Variants in ZNF710 observed in about 807,000 individuals in gnomAD.
ZNF710 encodes zinc finger protein 710.
ZNF710 carries 13 observed loss-of-function variants against 50.6 expected under a neutral mutation model. The observed-to-expected ratio is 0.26, with a 90% CI of 0.17 to 0.41. The LOEUF is 0.41. ZNF710 is among the 10% of genes least tolerant of loss of function. ZNF710 has a pLI of 1.00. For missense variants in ZNF710, 721 were observed against 936.6 expected, an observed-to-expected ratio of 0.77 and a Z score of 3.01; for synonymous variants, 383 against 397.0, an observed-to-expected ratio of 0.96 and a Z score of 0.42.
chr15:90,018,397 A>G (rs1329926444), intron 1 of ZNF710, among the ~76,000 whole-genome samples: 1 of 151,860 alleles, frequency 6.6e-6, no homozygotes, highest in Non-Finnish European at 1.5e-5. Context: ...TGAACTCCTG[A>G]CTTCAGGTGA....
intron 2 of ZNF710, among the ~76,000 whole-genome samples, chr15:90,070,018 C>T (rs776087658): frequency 6.6e-5 from 10 of 152,200 alleles, no homozygotes; most frequent in Non-Finnish European, 1.0e-4. Flanking sequence ...AGCTTCCTCT[C>T]CCCATAACGG....
chr15:90,073,756 AGGTG>A (rs1273769898), intron 3 of ZNF710, among the ~76,000 whole-genome samples: 1 of 152,070 alleles, frequency 6.6e-6, no homozygotes, highest in Non-Finnish European at 1.5e-5. Flanking sequence ...TGGGAGGCTG[AGGTG>A]GGTGGATCAT....
At chr15:90,011,825 T>C (rs1246013288) in intron 1 of ZNF710, among the ~76,000 whole-genome samples, 1 of 152,226 alleles carries the variant, frequency 6.6e-6, no homozygotes, top group Non-Finnish European at 1.5e-5. Context: ...AAAGATAGTT[T>C]TGCTGGGTAT....
chr15:90,028,370 T>C (rs536606463), intron 1 of ZNF710, among the ~76,000 whole-genome samples: 66 of 152,350 alleles, frequency 4.3e-4, no homozygotes, highest in Middle Eastern at 6.8e-3. Context: ...GCTGCTGCAC[T>C]GTGCTCCAAG....
In ZNF710 at chr15:90,071,191, G is replaced by A. The variant is rs1439446217; in HGVS notation, c.1459-1880G>A. 3.3e-5 allele frequency among the ~76,000 whole-genome samples: 5 copies of A among 151,776 alleles called. No individual in the cohort carries two copies. In the East Asian group the frequency reaches 5.8e-4, roughly 18 times the overall value. ...CAGGAGAATTGCTTGAACCCGGGAG[G>A]CAGAGGTTGCAGTGAGCCAAGACCG... On this transcript the variant is annotated intron_variant, in intron 2 of 4. Transcript: ENST00000268154.
Position 90,079,917 on chromosome 15 carries a change from GAAAC to G in ZNF710, c.*91_*94del. The G allele has an allele frequency of 3.1e-6, 4 of 1,296,798 alleles. No individual in the cohort carries two copies. Among genetic ancestry groups the G allele is most frequent in the Non-Finnish European group, 4.1e-6 (4 of 969,608 alleles). The allele number at this position is 1,296,798 out of a possible 1,614,324, so 80.3% of individuals were successfully genotyped here. Reference sequence around the variant, plus strand: ...TGCAGGCTGCACCTCCTGCAGCCGAGAAACAAGCTACTGCCCCACTGTTCTGAGC... The same window carrying G: ...TGCAGGCTGCACCTCCTGCAGCCGAGAAGCTACTGCCCCACTGTTCTGAGC... On this transcript the variant is annotated 3_prime_UTR_variant, in exon 5 of 5. Coordinates refer to ENST00000268154, the MANE Select transcript of ZNF710 (RefSeq NM_198526.4).
rs1899946742 is a variant in ZNF710 at position 90,059,777 on chromosome 15, TC to T, written c.-28-7330del. Among the ~76,000 whole-genome samples the T allele has an allele frequency of 6.6e-6, 1 of 152,172 alleles. No homozygotes were observed. Among genetic ancestry groups the T allele is most frequent in the Non-Finnish European group, 1.5e-5 (1 of 68,024 alleles). On this transcript the variant is annotated intron_variant, in intron 1 of 4. Coordinates refer to ENST00000268154, the MANE Select transcript of ZNF710 (RefSeq NM_198526.4). The surrounding 1 kb of genome is among the most constrained non-coding windows in gnomAD (Gnocchi z 4.1). ...CCCTTCTGCGCATGTGAGTAGAGTT[TC>T]CCTTGAAGCCTCCTGCGAGGAGGAC...
At chr15:90,038,191 C>G (rs1426508614) in intron 1 of ZNF710, among the ~76,000 whole-genome samples, 2 of 151,980 alleles carry the variant, frequency 1.3e-5, no homozygotes, top group African/African-American at 4.8e-5. Context: ...TAGCAGGCCC[C>G]TCTCTCTATC....
chr15:90,065,410 G>A (rs1382445265), intron 1 of ZNF710, among the ~76,000 whole-genome samples: 1 of 152,208 alleles, frequency 6.6e-6, no homozygotes, highest in African/African-American at 2.4e-5. Context: ...TGTTGAACCA[G>A]GGCAAGGGGT....
At chr15:90,026,269 C>CA (rs777122257) in intron 1 of ZNF710, among the ~76,000 whole-genome samples, 45 of 119,178 alleles carry the variant, frequency 3.8e-4, no homozygotes, top group Admixed American at 1.2e-3. Flanking sequence ...ACAACAACAA[C>CA]AAAAAAAAAA....
intron 1 of ZNF710, among the ~76,000 whole-genome samples, chr15:90,018,971 TTTTG>T (rs1285823754): frequency 1.3e-5 from 2 of 150,480 alleles, no homozygotes; most frequent in Non-Finnish European, 3.0e-5. Context: ...TATCTCTTCC[TTTTG>T]TTTTTTAGAA....
At chr15:90,019,802 T>C (rs1176870801) in intron 1 of ZNF710, among the ~76,000 whole-genome samples, 2 of 152,172 alleles carry the variant, frequency 1.3e-5, no homozygotes, top group African/African-American at 2.4e-5. Context: ...AGGGTAACCT[T>C]CTCTGGTGCC....
intron 1 of ZNF710, among the ~76,000 whole-genome samples, chr15:90,027,845 C>G (rs927376545): frequency 9.6e-5 from 7 of 73,000 alleles, no homozygotes; most frequent in Admixed American, 7.6e-4. Flanking sequence ...GACACTGTCT[C>G]GAAAAAAAAA....
rs1013047260 is a variant in ZNF710 at position 90,001,420 on chromosome 15, G to A, written c.-223G>A. ...AGGGAGGGAGAGAGCGCGAGCGAGA[G>A]AGCGAGCGAGAGGAGGGGGGAGAGA... is the stretch of plus-strand genomic sequence containing the variant. On this transcript the variant is annotated 5_prime_UTR_variant, in exon 1 of 5. Coordinates refer to ENST00000268154, the MANE Select transcript of ZNF710 (RefSeq NM_198526.4). The A allele has an allele frequency of 4.6e-5, 7 of 152,110 alleles. No homozygotes were observed. Among genetic ancestry groups the A allele is most frequent in the African/African-American group, 9.7e-5 (4 of 41,376 alleles). The allele number at this position is 152,110 out of a possible 1,614,324, so 9.4% of individuals were successfully genotyped here.
Position 90,059,719 on chromosome 15 carries a change from G to C in ZNF710, c.-28-7391G>C, listed in dbSNP as rs541077656. Among the ~76,000 whole-genome samples, 3 of 152,324 alleles carry C rather than the reference G, an allele frequency of 2.0e-5. No individual in the cohort carries two copies. The highest frequency in any genetic ancestry group is 1.3e-4 in the Admixed American group (2 of 15,300). On this transcript the variant is annotated intron_variant, in intron 1 of 4. Transcript: ENST00000268154. The surrounding 1 kb of genome is among the most constrained non-coding windows in gnomAD (Gnocchi z 4.1). ...AAGTGAGACTGTGGCAAGGGGCCCC[G>C]AGGCACAGGCCTTCCAGCTCTCGCT... is the stretch of plus-strand genomic sequence containing the variant.
At chr15:90,073,303 G>A in intron 3 of ZNF710, 41 bp downstream of exon 3, 1 of 1,592,238 alleles carries the variant, frequency 6.3e-7, no homozygotes, top group Non-Finnish European at 8.6e-7. Context: ...CCTCCCCGAG[G>A]GTGGTCTGGA....
rs1288794852 is a variant in ZNF710, at chr15:90,012,336, A to C, written c.-29+10722A>C. Among the ~76,000 whole-genome samples the C allele has an allele frequency of 5.2e-5, 6 of 114,952 alleles. No homozygotes were observed. The South Asian group carries it at 1.7e-3, about 32-fold the overall frequency. The allele number at this position is 114,952 out of a possible 152,430, so 75.4% of individuals were successfully genotyped here. A position where few individuals can be genotyped will look rare whatever the true frequency, so the allele number is the denominator to read the frequency against. The stretch of plus-strand genomic sequence containing the variant: ...TTTTTGTAGTCTTGCTCTGTCTCCC[A>C]GGCTGGAGTGCAGTGGCACAATCTT... On this transcript the variant is annotated intron_variant, in intron 1 of 4. Transcript: ENST00000268154.
At chr15:90,043,108 C>T (rs1008957336) in intron 1 of ZNF710, among the ~76,000 whole-genome samples, 1 of 152,260 alleles carries the variant, frequency 6.6e-6, no homozygotes, top group African/African-American at 2.4e-5. Flanking sequence ...CTTCACCCCA[C>T]ACCCCACCGG....
chr15:90,033,973 A>G (rs1899026717), intron 1 of ZNF710, among the ~76,000 whole-genome samples: 1 of 152,168 alleles, frequency 6.6e-6, no homozygotes, highest in East Asian at 1.9e-4. Context: ...AGGCCGAGGC[A>G]GGCAGATCAC....
Sources: gnomAD v4.1 joint callset for allele counts (sites outside exome capture counted in the v4.1 genomes callset) on GRCh38, gnomAD v4.1.1 for gene constraint, Gnocchi (gnomAD v3.1) non-coding constraint, MANE v1.5 for transcripts, NCBI Gene and HGNC (gene_info 2026-07-23, HGNC 2026-07-21) for gene names.